The following FNIP2 variants were observed in gnomAD, a reference collection of about 807,000 sequenced individuals.
FNIP2 encodes the protein folliculin-interacting protein 2.
In FNIP2, 32 loss-of-function variants were observed where a neutral mutation model predicts 108.7. The ratio of observed to expected loss-of-function variants is 0.29; its 90% CI spans 0.22 to 0.40. FNIP2 has a LOEUF of 0.40. Ranked by LOEUF, FNIP2 falls within the 10% of genes least tolerant of loss-of-function variation. The pLI is 1.00. For missense variants in FNIP2, 1,202 were observed against 1,381.6 expected (o/e 0.87, Z 2.06); for synonymous variants, 480 against 496.7 (o/e 0.97, Z 0.45).
Position 158,904,481 on chromosome 4 carries a change from C to T in FNIP2, c.3282C>T (p.Asp1094=), listed in dbSNP as rs199932885. 6.2e-7 allele frequency: 1 copy of T among 1,613,098 alleles called. No individual in the cohort carries two copies. The highest frequency in any genetic ancestry group is 1.3e-5 in the African/African-American group (1 of 75,030). Reference sequence around the variant, plus strand: ...CAATATTCAGGATTGAATCCAACGACCTGCCTCTGTTGACTGCTATTGCCA... The same window carrying T: ...CAATATTCAGGATTGAATCCAACGATCTGCCTCTGTTGACTGCTATTGCCA... ...LGVVLGIESN[D]LPLLTAIAST... is the part of the protein sequence containing the mutation. Residue 1094 remains aspartate, a synonymous_variant, in exon 17 of 17, where the codon GAC becomes GAT. Transcript: ENST00000264433.
intron 12 of FNIP2, among the ~76,000 whole-genome samples, chr4:158,864,186 A>G (rs1367679226): frequency 6.6e-6 from 1 of 152,166 alleles, no homozygotes; most frequent in East Asian, 1.9e-4. Flanking sequence ...GATGTGCGTC[A>G]CCATGCCCAG....
At chr4:158,823,523 G>C (rs1188854607) in intron 1 of FNIP2, among the ~76,000 whole-genome samples, 1 of 152,180 alleles carries the variant, frequency 6.6e-6, no homozygotes, top group Non-Finnish European at 1.5e-5. Flanking sequence ...TGTTCTGCCT[G>C]CCTCGGCCTT....
chr4:158,855,290 G>A (rs987479774), intron 8 of FNIP2, among the ~76,000 whole-genome samples: 1 of 152,114 alleles, frequency 6.6e-6, no homozygotes, highest in Admixed American at 6.6e-5. Context: ...AATTCAAAAT[G>A]GTAATCACAG....
At chr4:158,797,170 T>A (rs151266582) in intron 1 of FNIP2, among the ~76,000 whole-genome samples, 27 of 152,368 alleles carry the variant, frequency 1.8e-4, no homozygotes, top group Non-Finnish European at 3.7e-4. Context: ...GCAATGAATG[T>A]ATTGCATGAG....
chr4:158,874,509 C>CAAAAAAAA (rs1781146452), intron 14 of FNIP2, among the ~76,000 whole-genome samples: 1 of 11,756 alleles, frequency 8.5e-5, no homozygotes, highest in African/African-American at 2.2e-4. Flanking sequence ...AAAAAAATAG[C>CAAAAAAAA]TAGGCATGGT....
intron 12 of FNIP2, among the ~76,000 whole-genome samples, chr4:158,863,189 C>T (rs2126684716): frequency 1.3e-5 from 2 of 152,336 alleles, no homozygotes. Flanking sequence ...CCTGTGATAG[C>T]TTTGTAAAGC....
chr4:158,861,593 TC>T lies in FNIP2; in HGVS notation c.1296-12del. 6.2e-7 allele frequency: 1 copy of T among 1,614,018 alleles called. No individual in the cohort carries two copies. The highest frequency in any genetic ancestry group is 1.3e-5 in the African/African-American group (1 of 75,058). ...ATTGACTAAGTTGGTTGTATCTTTT[TC>T]CATTTCTCCAAGGTTTTTTGCTGCC... On this transcript the variant is annotated splice_polypyrimidine_tract_variant and intron_variant, in intron 11 of 16. Transcript: ENST00000264433.
chr4:158,775,958 T>G (rs1775847535), intron 1 of FNIP2, among the ~76,000 whole-genome samples: 1 of 152,214 alleles, frequency 6.6e-6, no homozygotes, highest in African/African-American at 2.4e-5. Flanking sequence ...TAGATTATAC[T>G]TTAGAATTTG....
intron 1 of FNIP2, among the ~76,000 whole-genome samples, chr4:158,818,375 C>T (rs996928587): frequency 2.0e-5 from 3 of 152,188 alleles, no homozygotes; most frequent in Non-Finnish European, 4.4e-5. Flanking sequence ...TATGGGGAAC[C>T]TGAAAGTTAT....
At chr4:158,865,220 GT>G (rs1780514186) in intron 12 of FNIP2, among the ~76,000 whole-genome samples, 1 of 152,042 alleles carries the variant, frequency 6.6e-6, no homozygotes, top group Non-Finnish European at 1.5e-5. Context: ...CCATTTCTAA[GT>G]GTACAGTTCA....
chr4:158,895,581 T>C (rs961373004), intron 15 of FNIP2, among the ~76,000 whole-genome samples, 169 bp from the exon 16 acceptor site: 3 of 152,232 alleles, frequency 2.0e-5, no homozygotes, highest in African/African-American at 4.8e-5. Flanking sequence ...AACCTATTCT[T>C]ATACCTGGTA....
At chr4:158,885,844 T>C (rs759451955) in intron 14 of FNIP2, among the ~76,000 whole-genome samples, 1 of 152,252 alleles carries the variant, frequency 6.6e-6, no homozygotes, top group Non-Finnish European at 1.5e-5. Context: ...CTTGCTGTCA[T>C]CTTATTGTTG....
chr4:158,781,650 G>A (rs1287596190), intron 1 of FNIP2, among the ~76,000 whole-genome samples: 1 of 152,104 alleles, frequency 6.6e-6, no homozygotes, highest in Admixed American at 6.5e-5. Flanking sequence ...GAGTAGCTGG[G>A]ACTACAGGCG....
At chr4:158,899,194 A>C (rs751418231) in intron 16 of FNIP2, among the ~76,000 whole-genome samples, 19 of 152,184 alleles carry the variant, frequency 1.2e-4, no homozygotes, top group Non-Finnish European at 1.9e-4. Context: ...CCCAGGGATG[A>C]AGCCAGCTGG....
chr4:158,791,520 G>T (rs1472046968), intron 1 of FNIP2, among the ~76,000 whole-genome samples: 1 of 152,036 alleles, frequency 6.6e-6, no homozygotes, highest in East Asian at 1.9e-4. Context: ...GACCTCAAGT[G>T]ATCCACTTGC....
chr4:158,892,982 T>C (rs915713435), intron 15 of FNIP2, among the ~76,000 whole-genome samples: 4 of 152,258 alleles, frequency 2.6e-5, no homozygotes, highest in African/African-American at 9.6e-5. Context: ...GAAGGTGCTC[T>C]GAAATACCGT....
intron 14 of FNIP2, chr4:158,889,805 C>CT (rs35673623): frequency 0.053 from 43,687 of 828,060 alleles, no homozygotes; most frequent in South Asian, 0.076. Context: ...TTCAAATTTC[C>CT]TTTTTTTTTT....
intron 1 of FNIP2, among the ~76,000 whole-genome samples, chr4:158,818,509 G>T (rs1407049658): frequency 6.6e-6 from 1 of 152,194 alleles, no homozygotes; most frequent in Non-Finnish European, 1.5e-5. Context: ...ACTGATGTGA[G>T]GCTGTTTATA....
At chr4:158,853,916 C>T (rs1779839019) in intron 8 of FNIP2, among the ~76,000 whole-genome samples, 1 of 152,026 alleles carries the variant, frequency 6.6e-6, no homozygotes, top group African/African-American at 2.4e-5. Flanking sequence ...ATTCAAAAAG[C>T]CTGTTTATGC....
Sources: allele counts gnomAD v4.1 joint callset (sites outside exome capture counted in the v4.1 genomes callset), GRCh38; gene constraint gnomAD v4.1.1; transcripts MANE v1.5; gene names NCBI Gene and HGNC (gene_info 2026-07-23, HGNC 2026-07-21).